NEGR1: variants seen among roughly 807,000 people sequenced by gnomAD.
The protein encoded by NEGR1 is neuronal growth regulator 1, also known as IgLON family member 4.
NEGR1 carries 10 observed loss-of-function variants against 40.9 expected under a neutral mutation model. That is an observed-to-expected ratio of 0.24 (90% CI 0.15 to 0.42). The LOEUF (loss-of-function observed/expected upper bound fraction) is 0.42. Among genes scored for constraint, NEGR1 ranks in the 10% least tolerant of loss-of-function variants. The pLI is 1.00. For missense variants in NEGR1, 352 were observed against 438.9 expected, an observed-to-expected ratio of 0.80 and a Z score of 1.77; for synonymous variants, 185 against 166.8, an observed-to-expected ratio of 1.11 and a Z score of -0.84.
intron 1 of NEGR1, among the ~76,000 whole-genome samples, chr1:71,947,017 G>A (rs1019331512): frequency 1.3e-5 from 2 of 150,452 alleles, no homozygotes; most frequent in Non-Finnish European, 3.0e-5. Context: ...GAGTCTGGGA[G>A]GTGGAGGTTG....
intron 2 of NEGR1, among the ~76,000 whole-genome samples, chr1:71,853,737 C>G (rs1352496909): frequency 6.6e-6 from 1 of 152,094 alleles, no homozygotes; most frequent in East Asian, 1.9e-4. Context: ...TAGAAGAAAG[C>G]AGCCATAAAG....
At chr1:72,075,615 T>A (rs1363280894) in intron 1 of NEGR1, among the ~76,000 whole-genome samples, 1 of 152,194 alleles carries the variant, frequency 6.6e-6, no homozygotes, top group African/African-American at 2.4e-5. Context: ...GCTGACCATC[T>A]GGATGAATGA....
At chr1:72,245,472 T>C (rs997293173) in intron 1 of NEGR1, among the ~76,000 whole-genome samples, 1 of 152,134 alleles carries the variant, frequency 6.6e-6, no homozygotes, top group Non-Finnish European at 1.5e-5. Context: ...CAATTAGTGA[T>C]TCCTGAAAGC....
intron 1 of NEGR1, among the ~76,000 whole-genome samples, chr1:72,120,122 A>C (rs1649741294): frequency 6.6e-6 from 1 of 151,996 alleles, no homozygotes. Flanking sequence ...AATAGTATTG[A>C]TAACAAACAC....
chr1:71,714,093 C>A (rs974200777), intron 3 of NEGR1, among the ~76,000 whole-genome samples: 2 of 152,100 alleles, frequency 1.3e-5, no homozygotes, highest in Non-Finnish European at 2.9e-5. Flanking sequence ...TTCCACATGG[C>A]TGGGGAGACC....
rs1646214191 is a variant in NEGR1 at position 71,396,638 on chromosome 1, T to C, written c.*10808A>G. On this transcript the variant is annotated 3_prime_UTR_variant, in exon 7 of 7. Coordinates refer to ENST00000357731, the MANE Select transcript of NEGR1 (RefSeq NM_173808.3). ...GACTTGGTGGGAGGTAATTGAACCA[T>C]GGGGGCAGGTCTTTCCCATGCTGTT... 1 of 152,180 alleles carries C rather than the reference T, an allele frequency of 6.6e-6. No individual in the cohort carries two copies. Among genetic ancestry groups the C allele is most frequent in the South Asian group, 2.1e-4 (1 of 4,828 alleles). 9.4% of individuals were successfully genotyped at this position (152,180 alleles called of 1,614,324 possible).
intron 2 of NEGR1, among the ~76,000 whole-genome samples, chr1:71,856,908 T>C (rs901954685): frequency 1.3e-5 from 2 of 152,068 alleles, no homozygotes; most frequent in Non-Finnish European, 2.9e-5. Flanking sequence ...TATGTTTTCA[T>C]GTATCGTATT....
intron 4 of NEGR1, among the ~76,000 whole-genome samples, chr1:71,622,767 G>A (rs2101554860): frequency 6.6e-6 from 1 of 151,918 alleles, no homozygotes; most frequent in Non-Finnish European, 1.5e-5. Flanking sequence ...GATGAGGATA[G>A]CATTGGTTGG....
intron 4 of NEGR1, among the ~76,000 whole-genome samples, chr1:71,669,802 C>T (rs568192891): frequency 3.3e-5 from 5 of 152,068 alleles, no homozygotes; most frequent in South Asian, 2.1e-4. Context: ...AGGCATGTGC[C>T]GCCATGCTCA....
intron 2 of NEGR1, among the ~76,000 whole-genome samples, chr1:71,934,314 T>G (rs1352759299): frequency 1.3e-5 from 2 of 152,150 alleles, no homozygotes; most frequent in Non-Finnish European, 2.9e-5. Context: ...CTCTTACATT[T>G]TAATATGGAA....
intron 1 of NEGR1, among the ~76,000 whole-genome samples, chr1:72,211,460 T>C (rs896581248): frequency 2.0e-5 from 3 of 151,586 alleles, no homozygotes; most frequent in South Asian, 2.1e-4. Context: ...CAGTTATATA[T>C]GGTGAGCCAA....
intron 4 of NEGR1, among the ~76,000 whole-genome samples, chr1:71,620,568 T>G (rs1650578315): frequency 6.6e-6 from 1 of 151,976 alleles, no homozygotes; most frequent in Non-Finnish European, 1.5e-5. Context: ...TAGAAACATA[T>G]CATAAGGTCA....
chr1:71,953,074 C>T (rs1475842602), intron 1 of NEGR1, among the ~76,000 whole-genome samples: 1 of 151,798 alleles, frequency 6.6e-6, no homozygotes, highest in Non-Finnish European at 1.5e-5. Flanking sequence ...GCTTTGATGC[C>T]TAGTAACACA....
intron 6 of NEGR1, among the ~76,000 whole-genome samples, chr1:71,502,749 GA>G (rs1333559187): frequency 6.6e-6 from 1 of 152,176 alleles, no homozygotes; most frequent in Non-Finnish European, 1.5e-5. Flanking sequence ...TGCATGAGCT[GA>G]AGTAAGAAAA....
intron 4 of NEGR1, among the ~76,000 whole-genome samples, chr1:71,658,847 T>C (rs560511741): frequency 6.6e-6 from 1 of 152,268 alleles, no homozygotes; most frequent in South Asian, 2.1e-4. Flanking sequence ...AAAAACATTA[T>C]TGTAGGTCAC....
At chr1:71,937,303 G>T (rs569938075) in intron 1 of NEGR1, among the ~76,000 whole-genome samples, 105 of 152,272 alleles carry the variant, frequency 6.9e-4, no homozygotes, top group African/African-American at 2.5e-3. Flanking sequence ...TTAACAATAT[G>T]CAGAAAGAAG....
At chr1:72,166,469 G>A (rs1049396763) in intron 1 of NEGR1, among the ~76,000 whole-genome samples, 1 of 152,094 alleles carries the variant, frequency 6.6e-6, no homozygotes, top group African/African-American at 2.4e-5. Flanking sequence ...AAAAGAAGAT[G>A]TCTGCACTCT....
intron 2 of NEGR1, among the ~76,000 whole-genome samples, chr1:71,827,787 C>T (rs774907578): frequency 2.4e-4 from 36 of 151,578 alleles, no homozygotes; most frequent in Middle Eastern, 6.8e-3. Flanking sequence ...GCGAGAGAGA[C>T]AGGTATGAAA....
chr1:71,412,596 T>A (rs1382224140), intron 6 of NEGR1, among the ~76,000 whole-genome samples: 1 of 152,230 alleles, frequency 6.6e-6, no homozygotes, highest in Non-Finnish European at 1.5e-5. Context: ...ATGTGTCAAA[T>A]TCAAGACCAT....
Sources: allele counts gnomAD v4.1 joint callset (sites outside exome capture counted in the v4.1 genomes callset), GRCh38; gene constraint gnomAD v4.1.1; transcripts MANE v1.5; gene names NCBI Gene and HGNC (gene_info 2026-07-23, HGNC 2026-07-21).